Variants in RBMS1 observed in about 807,000 individuals in gnomAD.
RBMS1 encodes the protein RNA binding motif single stranded interacting protein 1.
In RBMS1, 17 loss-of-function variants were observed where a neutral mutation model predicts 62.3. That is an observed-to-expected ratio of 0.27 (90% CI 0.19 to 0.41). RBMS1 has a LOEUF of 0.41. Ranked by LOEUF, RBMS1 falls within the 10% of genes least tolerant of loss-of-function variation. RBMS1 has a pLI of 1.00. For missense variants in RBMS1, 334 were observed against 504.5 expected (o/e 0.66, Z 3.24); for synonymous variants, 172 against 170.0 (o/e 1.01, Z -0.09).
intron 2 of RBMS1, among the ~76,000 whole-genome samples, chr2:160,352,065 G>A (rs980655642): frequency 2.6e-5 from 4 of 152,156 alleles, no homozygotes; most frequent in African/African-American, 9.7e-5. Flanking sequence ...AGCTGCTAAT[G>A]TTGGATGCAA....
intron 2 of RBMS1, among the ~76,000 whole-genome samples, chr2:160,324,907 T>TATATATATACACACACACAC (rs1321182985): frequency 9.4e-6 from 1 of 106,778 alleles, no homozygotes; most frequent in African/African-American, 4.2e-5. Context: ...TATATATATA[T>TATATATATACACACACACAC]ACACACACAC....
At chr2:160,461,342 A>G (rs1559580663) in intron 1 of RBMS1, among the ~76,000 whole-genome samples, 3 of 152,246 alleles carry the variant, frequency 2.0e-5, no homozygotes, top group Admixed American at 1.3e-4. Context: ...GAAAAAATCA[A>G]TAATAATTCT....
chr2:160,336,804 T>C (rs1214988022), intron 2 of RBMS1, among the ~76,000 whole-genome samples: 1 of 152,192 alleles, frequency 6.6e-6, no homozygotes, highest in Non-Finnish European at 1.5e-5. Context: ...TGGTGGCCAC[T>C]GTGCTGTGTA....
At position 160,425,472 on chromosome 2, in the gene RBMS1, G is replaced by C. The variant is rs563840926; in HGVS notation, c.76-58081C>G. On this transcript the variant is annotated intron_variant, in intron 1 of 13. Coordinates refer to ENST00000348849, the MANE Select transcript of RBMS1 (RefSeq NM_016836.4). The stretch of plus-strand genomic sequence containing the variant: ...TGTTTACAGGGAGTCTAAAACCACC[G>C]GGTACTGTGCATGGAGAAGGAGGCC... Among the ~76,000 whole-genome samples the C allele has an allele frequency of 1.6e-3, 241 of 152,182 alleles. 2 individuals are homozygous for C. The highest frequency in any genetic ancestry group is 2.6e-3 in the Admixed American group (40 of 15,272).
intron 1 of RBMS1, among the ~76,000 whole-genome samples, chr2:160,389,818 A>G (rs1694768115): frequency 1.3e-5 from 2 of 151,238 alleles, no homozygotes; most frequent in South Asian, 2.1e-4. Context: ...TTTTCAATCA[A>G]TCCATCTAAG....
In RBMS1 at chr2:160,493,511, G is replaced by A; in HGVS notation, c.-148C>T. 4 of 664,676 alleles carry A rather than the reference G, an allele frequency of 6.0e-6. No homozygotes were observed. The highest frequency in any genetic ancestry group is 3.3e-5 in the South Asian group (2 of 60,192). The allele number at this position is 664,676 out of a possible 1,614,324, so 41.2% of individuals were successfully genotyped here. A position where few individuals can be genotyped will look rare whatever the true frequency, so the allele number is the denominator to read the frequency against. On this transcript the variant is annotated 5_prime_UTR_variant, in exon 1 of 14. Coordinates refer to ENST00000348849, the MANE Select transcript of RBMS1 (RefSeq NM_016836.4). ...GCTGCCGCTGCTCCACCTCCCAGCC[G>A]GGACCAGACGTCCTCCTCCTCCTCC... is the stretch of plus-strand genomic sequence containing the variant.
chr2:160,383,001 A>G (rs1422362818), intron 1 of RBMS1, among the ~76,000 whole-genome samples: 2 of 152,216 alleles, frequency 1.3e-5, no homozygotes, highest in South Asian at 2.1e-4. Context: ...AACACTGTAC[A>G]TGGACATGAA....
chr2:160,277,344 G>C lies in RBMS1; in HGVS notation c.1102C>G (p.Pro368Ala), dbSNP rs1370122155. ...ATSAMQGAYL[P>A]QYAHMQTTAV... The stretch of plus-strand genomic sequence containing the variant: ...GTCGTCTGCATATGTGCATACTGTG[G>C]CAAGTAGGCTCCTTGCATAGCTGAC... Residue 368 changes from proline to alanine, a missense_variant, in exon 12 of 14, where the codon CCA becomes GCA. Coordinates refer to ENST00000348849, the MANE Select transcript of RBMS1 (RefSeq NM_016836.4). The C allele has an allele frequency of 1.2e-6, 2 of 1,613,486 alleles. No homozygotes were observed. The highest frequency in any genetic ancestry group is 1.3e-5 in the African/African-American group (1 of 74,896).
chr2:160,479,439 C>A (rs974049546), intron 1 of RBMS1, among the ~76,000 whole-genome samples: 6 of 152,242 alleles, frequency 3.9e-5, no homozygotes, highest in Admixed American at 2.6e-4. Flanking sequence ...CCCTGACTGC[C>A]AGGTGACCTC....
intron 1 of RBMS1, among the ~76,000 whole-genome samples, chr2:160,483,934 T>C (rs987658934): frequency 1.3e-5 from 2 of 152,008 alleles, no homozygotes; most frequent in Non-Finnish European, 2.9e-5. Context: ...AAGGGATCTC[T>C]GGTCTGTCTG....
At chr2:160,407,812 G>A (rs1695837871) in intron 1 of RBMS1, 2 of 981,290 alleles carry the variant, frequency 2.0e-6, no homozygotes, top group South Asian at 9.4e-5. Flanking sequence ...GGGAGTTCGC[G>A]CGCGGAGCTG....
intron 1 of RBMS1, among the ~76,000 whole-genome samples, chr2:160,371,838 C>G (rs1693741369): frequency 6.6e-6 from 1 of 152,156 alleles, no homozygotes; most frequent in Non-Finnish European, 1.5e-5. Flanking sequence ...TCCTTCCCGC[C>G]AGAAGCCCCA....
intron 2 of RBMS1, among the ~76,000 whole-genome samples, chr2:160,342,293 T>C (rs1312960368): frequency 6.6e-6 from 1 of 152,178 alleles, no homozygotes; most frequent in Non-Finnish European, 1.5e-5. Flanking sequence ...GAAAAGCTTA[T>C]TTTTAAAAGC....
At chr2:160,339,925 C>T (rs770287807) in intron 2 of RBMS1, among the ~76,000 whole-genome samples, 57 of 152,292 alleles carry the variant, frequency 3.7e-4, no homozygotes, top group Admixed American at 9.8e-4. Flanking sequence ...GAAGCCTGTA[C>T]TGTTCAGGTT....
At chr2:160,300,541 C>T in intron 6 of RBMS1, 110 bp downstream of exon 6, 1 of 1,356,000 alleles carries the variant, frequency 7.4e-7, no homozygotes, top group South Asian at 2.2e-5. Context: ...CAAAATGCAT[C>T]TTAAAGAGTG....
intron 6 of RBMS1, among the ~76,000 whole-genome samples, chr2:160,299,930 G>C (rs1056191326): frequency 6.6e-6 from 1 of 152,162 alleles, no homozygotes; most frequent in Non-Finnish European, 1.5e-5. Flanking sequence ...TGGCTGCATG[G>C]ATATAACAGG....
chr2:160,326,630 G>T (rs190534923), intron 2 of RBMS1, among the ~76,000 whole-genome samples: 1 of 152,170 alleles, frequency 6.6e-6, no homozygotes, highest in Non-Finnish European at 1.5e-5. Context: ...AATTATTTTA[G>T]TAAGATTAAC....
chr2:160,410,074 T>C (rs1488976038), intron 1 of RBMS1, among the ~76,000 whole-genome samples: 1 of 151,496 alleles, frequency 6.6e-6, no homozygotes, highest in Non-Finnish European at 1.5e-5. Context: ...TACAAAAAAT[T>C]AGCCGGGCAT....
intron 1 of RBMS1, chr2:160,367,629 A>C (rs1220051348): frequency 1.9e-6 from 1 of 515,024 alleles, no homozygotes; most frequent in Admixed American, 4.0e-5. Flanking sequence ...AATGTGACTA[A>C]ATTTATGTAA....
Sources: gnomAD v4.1 joint callset for allele counts (sites outside exome capture counted in the v4.1 genomes callset) on GRCh38, gnomAD v4.1.1 for gene constraint, MANE v1.5 for transcripts, NCBI Gene and HGNC (gene_info 2026-07-23, HGNC 2026-07-21) for gene names.